Variants in HIVEP2 observed in about 807,000 individuals in gnomAD.
The protein encoded by HIVEP2 is HIVEP zinc finger 2.
HIVEP2 carries 14 observed loss-of-function variants against 180.7 expected under a neutral mutation model. The observed-to-expected ratio is 0.08, with a 90% confidence interval of 0.05 to 0.12. The LOEUF (loss-of-function observed/expected upper bound fraction) is 0.12. Among genes scored for constraint, HIVEP2 ranks in the 10% least tolerant of loss-of-function variants. HIVEP2 has a pLI of 1.00. For missense variants in HIVEP2, 2,579 were observed against 3,008.5 expected (o/e 0.86, Z 3.34); for synonymous variants, 1,184 against 1,136.4 (o/e 1.04, Z -0.84).
At chr6:142,939,991 C>A (rs930453281) in intron 1 of HIVEP2, among the ~76,000 whole-genome samples, 3 of 152,136 alleles carry the variant, frequency 2.0e-5, no homozygotes, top group Admixed American at 6.6e-5. Flanking sequence ...TCACACAGAC[C>A]CCTAATCACA....
At chr6:142,909,447 C>T (rs180975007) in intron 1 of HIVEP2, among the ~76,000 whole-genome samples, 213 of 152,070 alleles carry the variant, frequency 1.4e-3, no homozygotes, top group Non-Finnish European at 2.0e-3. Context: ...GATTTTAAGA[C>T]AATTTAAATA....
At chr6:142,932,038 C>G (rs551019636) in intron 1 of HIVEP2, among the ~76,000 whole-genome samples, 2 of 152,230 alleles carry the variant, frequency 1.3e-5, no homozygotes, top group East Asian at 3.9e-4. Flanking sequence ...CTCCTGAGTC[C>G]TCGGCCAGGG....
chr6:142,884,293 T>C (rs1776644720), intron 1 of HIVEP2, among the ~76,000 whole-genome samples: 1 of 151,812 alleles, frequency 6.6e-6, no homozygotes, highest in Admixed American at 6.6e-5. Flanking sequence ...ATTAAGGGAA[T>C]ATGCCTTTGT....
intron 1 of HIVEP2, among the ~76,000 whole-genome samples, chr6:142,905,180 A>C (rs1777232925): frequency 1.3e-5 from 2 of 152,204 alleles, no homozygotes; most frequent in Admixed American, 6.5e-5. Flanking sequence ...TCTAAATAAG[A>C]GTTAAGAAAG....
intron 6 of HIVEP2, 121 bp downstream of exon 6, chr6:142,768,261 A>T: frequency 2.2e-6 from 2 of 890,582 alleles, no homozygotes; most frequent in Non-Finnish European, 3.4e-6. Context: ...AACTGTGAAT[A>T]GAAAAGGAAT....
At chr6:142,879,945 A>T (rs1375662938) in intron 1 of HIVEP2, among the ~76,000 whole-genome samples, 1 of 152,166 alleles carries the variant, frequency 6.6e-6, no homozygotes, top group Non-Finnish European at 1.5e-5. Context: ...TGTCTTGTTC[A>T]TATTGTATCT....
At position 142,943,756 on chromosome 6, in the gene HIVEP2, G is replaced by A. The variant is rs184464574; in HGVS notation, c.-641+1343C>T. On this transcript the variant is annotated intron_variant, in intron 1 of 9. Coordinates refer to ENST00000367603, the MANE Select transcript of HIVEP2 (RefSeq NM_006734.4). The surrounding 1 kb of genome is among the most constrained non-coding windows in gnomAD (Gnocchi z 4.5). ...AACAAGCCTTTCTATATTCATTTTA[G>A]GCCTAAATAACTCTGCAGAGAATAA... Among the ~76,000 whole-genome samples, 16 of 152,188 alleles carry A rather than the reference G, an allele frequency of 1.1e-4. No individual in the cohort carries two copies. The highest frequency in any genetic ancestry group is 1.0e-3 in the Admixed American group (16 of 15,296).
chr6:142,838,405 T>C (rs1199935139), intron 1 of HIVEP2, among the ~76,000 whole-genome samples: 1 of 152,152 alleles, frequency 6.6e-6, no homozygotes, highest in East Asian at 1.9e-4. Flanking sequence ...AAATGTCAAA[T>C]GGTTTGGTTA....
intron 2 of HIVEP2, among the ~76,000 whole-genome samples, chr6:142,798,830 A>T (rs1776340905): frequency 6.6e-6 from 1 of 152,164 alleles, no homozygotes; most frequent in Admixed American, 6.6e-5. Flanking sequence ...AATAGTTATT[A>T]TGCCAGCAGG....
intron 1 of HIVEP2, among the ~76,000 whole-genome samples, chr6:142,851,451 C>A (rs779802867): frequency 6.6e-6 from 1 of 152,150 alleles, no homozygotes; most frequent in Admixed American, 6.5e-5. Context: ...GATCTAGAAA[C>A]GGTAATGGAG....
intron 2 of HIVEP2, among the ~76,000 whole-genome samples, chr6:142,813,776 G>A (rs973665617): frequency 1.3e-5 from 2 of 151,478 alleles, no homozygotes; most frequent in East Asian, 1.9e-4. Flanking sequence ...TGTATTGCCC[G>A]GGCTGGTCTC....
Position 142,810,221 on chromosome 6 carries a change from T to C in HIVEP2, c.-527-26606A>G, listed in dbSNP as rs560728898. ...TGCTCAATAATGATAGCAATTATAA[T>C]GACTAGACTAAGAGGATAGGTAAAA... is the stretch of plus-strand genomic sequence containing the variant. On this transcript the variant is annotated intron_variant, in intron 2 of 9. Coordinates refer to ENST00000367603, the MANE Select transcript of HIVEP2 (RefSeq NM_006734.4). Among the ~76,000 whole-genome samples the C allele has an allele frequency of 3.9e-5, 6 of 152,326 alleles. No homozygotes were observed. In the South Asian group the frequency reaches 1.2e-3, roughly 32 times the overall value.
Position 142,770,792 on chromosome 6 carries a change from T to C in HIVEP2, c.3947A>G (p.Glu1316Gly). 1 of 1,614,178 alleles carries C rather than the reference T, an allele frequency of 6.2e-7. No individual in the cohort carries two copies. Among genetic ancestry groups the C allele is most frequent in the Non-Finnish European group, 8.5e-7 (1 of 1,180,026 alleles). Residue 1316 changes from glutamate (E) to glycine (G), a missense_variant, in exon 5 of 10, where the codon GAA becomes GGA. Physicochemically the swap from Glu to Gly is moderately conservative, Grantham distance 98. Around this residue, in one of 11 missense-constraint regions of HIVEP2, gnomAD observed 523 missense variants for 577.0 expected, o/e 0.91. Coordinates refer to ENST00000367603, the MANE Select transcript of HIVEP2 (RefSeq NM_006734.4). The surrounding 1 kb of genome is among the most constrained non-coding windows in gnomAD (Gnocchi z 4.7). ...TETPSEQVLQ[E>G]DFASANAGSL... ...CCCAGCATTTGCCGAGGCAAAATCT[T>C]CTTGAAGAACCTGCTCAGAGGGCGT... is the stretch of plus-strand genomic sequence containing the variant.
intron 2 of HIVEP2, among the ~76,000 whole-genome samples, chr6:142,831,799 A>T (rs751739139): frequency 4.6e-5 from 7 of 152,158 alleles, no homozygotes; most frequent in Non-Finnish European, 7.3e-5. Flanking sequence ...CTGGCTCTGG[A>T]TATTTAATAG....
At position 142,908,756 on chromosome 6, in the gene HIVEP2, A is replaced by C. The variant is rs151096148; in HGVS notation, c.-641+36343T>G. The stretch of plus-strand genomic sequence containing the variant: ...GGTAGGATGTCACTGTCAAAAACAT[A>C]CTTTTCCCTATTTCAAAATTTTGCC... On this transcript the variant is annotated intron_variant, in intron 1 of 9. Transcript: ENST00000367603. Among the ~76,000 whole-genome samples, 826 of 150,220 alleles carry C rather than the reference A, an allele frequency of 5.5e-3. 3 individuals carry two copies. The highest frequency in any genetic ancestry group is 0.019 in the African/African-American group (766 of 40,846).
intron 1 of HIVEP2, among the ~76,000 whole-genome samples, chr6:142,858,381 T>G (rs1424293934): frequency 6.6e-6 from 1 of 151,912 alleles, no homozygotes; most frequent in Non-Finnish European, 1.5e-5. Flanking sequence ...CTGGGCAGGA[T>G]GATAAATATC....
chr6:142,880,116 A>G (rs540946585), intron 1 of HIVEP2, among the ~76,000 whole-genome samples: 52 of 152,024 alleles, frequency 3.4e-4, no homozygotes, highest in Non-Finnish European at 5.1e-4. Context: ...AGTCATCTTT[A>G]TTAGATTCTA....
At chr6:142,886,572 A>T (rs1776703845) in intron 1 of HIVEP2, among the ~76,000 whole-genome samples, 1 of 152,164 alleles carries the variant, frequency 6.6e-6, no homozygotes, top group African/African-American at 2.4e-5. Context: ...CAGAACCCAA[A>T]ATTCTGCCTC....
intron 9 of HIVEP2, among the ~76,000 whole-genome samples, chr6:142,756,176 T>C (rs1016804263): frequency 7.2e-5 from 11 of 152,168 alleles, no homozygotes; most frequent in African/African-American, 1.2e-4. Flanking sequence ...ATGTACCAGA[T>C]CTATTACCCT....
Sources: allele counts gnomAD v4.1 joint callset (sites outside exome capture counted in the v4.1 genomes callset), GRCh38; gene constraint gnomAD v4.1.1; regional missense constraint gnomAD v4.1.1; non-coding constraint Gnocchi (gnomAD v3.1); transcripts MANE v1.5; gene names NCBI Gene and HGNC (gene_info 2026-07-23, HGNC 2026-07-21).